The following MYO1E variants were observed in gnomAD, a reference collection of about 807,000 sequenced individuals.
MYO1E encodes the protein unconventional myosin-Ie.
Under a neutral mutation model 151.1 loss-of-function variants are expected in MYO1E, and 68 were observed. The observed-to-expected ratio is 0.45, with a 90% CI of 0.37 to 0.55. MYO1E has a LOEUF of 0.55. Among genes scored for constraint, MYO1E ranks in the 20% least tolerant of loss-of-function variants. MYO1E has a pLI of 0.00. For missense variants in MYO1E, 1,363 were observed against 1,389.3 expected (o/e 0.98, Z 0.30); for synonymous variants, 601 against 501.7 (o/e 1.20, Z -2.64).
rs745621793 is a variant in MYO1E, at chr15:59,170,755, C to G, written c.2480+1142G>C. On this transcript the variant is annotated intron_variant, in intron 22 of 27. Coordinates refer to ENST00000288235, the MANE Select transcript of MYO1E (RefSeq NM_004998.4). ...GTCCTTTATCCAGGGAAATTAGGAACAGATAGAATCAGAAACCACAGAGAC... is the reference window on the plus strand; with the variant it reads ...GTCCTTTATCCAGGGAAATTAGGAAGAGATAGAATCAGAAACCACAGAGAC... Among the ~76,000 whole-genome samples the G allele has an allele frequency of 2.7e-4, 41 of 152,212 alleles. 1 individual carries two copies. Among genetic ancestry groups the G allele is most frequent in the Non-Finnish European group, 4.9e-4 (33 of 68,010 alleles).
Position 59,372,726 on chromosome 15 carries a change from G to C in MYO1E, c.-226C>G, listed in dbSNP as rs1323175938. On this transcript the variant is annotated 5_prime_UTR_variant, in exon 1 of 28. Transcript: ENST00000288235. The stretch of plus-strand genomic sequence containing the variant: ...ACGGCGGCGACTTAGCAGGCGGGGC[G>C]CATGCTGCGGAGGGCAAGAGTCCAC... 1.7e-6 allele frequency: 1 copy of C among 582,146 alleles called. No individual in the cohort carries two copies. Among genetic ancestry groups the C allele is most frequent in the African/African-American group, 1.9e-5 (1 of 51,314 alleles). The allele number at this position is 582,146 out of a possible 1,614,324, so 36.1% of individuals were successfully genotyped here.
chr15:59,163,260 C>T lies in MYO1E; in HGVS notation c.2524G>A (p.Asp842Asn). Residue 842 changes from aspartate to asparagine, a missense_variant, in exon 23 of 28, where the codon GAC (aspartate) becomes AAC (asparagine). Coordinates refer to ENST00000288235, the MANE Select transcript of MYO1E (RefSeq NM_004998.4). ...TTGAAGACAGATTCAAGCAAACTGT[C>T]ATACTCTTGCTCATGGAGAATAAAA... The part of the protein sequence containing the change: ...DIFILHEQEY[D>N]SLLESVFKTE... 1 of 1,613,784 alleles carries T rather than the reference C, an allele frequency of 6.2e-7. No individual in the cohort carries two copies. Among genetic ancestry groups the T allele is most frequent in the Non-Finnish European group, 8.5e-7 (1 of 1,179,684 alleles).
Position 59,272,270 on chromosome 15 carries a change from C to T in MYO1E, c.147+36G>A, listed in dbSNP as rs769610412. 21 of 1,609,830 alleles carry T rather than the reference C, an allele frequency of 1.3e-5. No individual in the cohort carries two copies. In the Admixed American group the frequency reaches 3.5e-4, roughly 27 times the overall value. On this transcript the variant is annotated intron_variant, in intron 2 of 27. Transcript: ENST00000288235. Reference sequence around the variant, plus strand: ...AATTTAACTGTGGACACTGTAATATCACTTAGAAATGTCCAAAGCAGCCAA... The same window carrying T: ...AATTTAACTGTGGACACTGTAATATTACTTAGAAATGTCCAAAGCAGCCAA...
intron 1 of MYO1E, among the ~76,000 whole-genome samples, chr15:59,274,033 A>G (rs1413460747): frequency 2.0e-5 from 3 of 150,732 alleles, no homozygotes; most frequent in African/African-American, 4.8e-5. Context: ...TCCAAATTTT[A>G]TTTTAAAAAT....
chr15:59,234,237 G>A (rs1566987661), intron 5 of MYO1E, among the ~76,000 whole-genome samples: 1 of 141,594 alleles, frequency 7.1e-6, no homozygotes, highest in African/African-American at 2.9e-5. Flanking sequence ...TGGATGGATG[G>A]ATGGATGGGT....
rs143917358 is a variant in MYO1E at position 59,338,950 on chromosome 15, G to A, written c.3+33548C>T. On this transcript the variant is annotated intron_variant, in intron 1 of 27. Transcript: ENST00000288235. ...AGTTCAAAACCAGCCTGGCCAACAT[G>A]GCGAGACCTCATCTCTATTAAAAAT... Among the ~76,000 whole-genome samples the A allele has an allele frequency of 2.1e-3, 317 of 152,282 alleles. 1 individual carries two copies. Among genetic ancestry groups the A allele is most frequent in the African/African-American group, 7.4e-3 (307 of 41,570 alleles).
intron 25 of MYO1E, among the ~76,000 whole-genome samples, chr15:59,155,416 C>T (rs2079504268): frequency 1.3e-5 from 2 of 152,010 alleles, no homozygotes; most frequent in African/African-American, 4.8e-5. Flanking sequence ...TTTTTAAAAC[C>T]CCCTGAAAAC....
At chr15:59,191,269 C>T (rs1255141647) in intron 17 of MYO1E, among the ~76,000 whole-genome samples, 2 of 150,842 alleles carry the variant, frequency 1.3e-5, no homozygotes, top group Non-Finnish European at 2.9e-5. Context: ...GCCTGGCCAA[C>T]ACAGTGAAAC....
At chr15:59,191,725 AT>A (rs1401656643) in intron 17 of MYO1E, among the ~76,000 whole-genome samples, 1 of 152,178 alleles carries the variant, frequency 6.6e-6, no homozygotes, top group African/African-American at 2.4e-5. Context: ...AATGTTTAAA[AT>A]TTGGGGGTCA....
rs112020669 is a variant in MYO1E at position 59,214,172 on chromosome 15, C to T, written c.1275+56G>A. 17 of 1,416,784 alleles carry T rather than the reference C, an allele frequency of 1.2e-5. No homozygotes were observed. In the African/African-American group the frequency reaches 2.0e-4, roughly 17 times the overall value. The allele number at this position is 1,416,784 out of a possible 1,614,324, so 87.8% of individuals were successfully genotyped here. A position where few individuals can be genotyped will look rare whatever the true frequency, so the allele number is the denominator to read the frequency against. On this transcript the variant is annotated intron_variant, in intron 12 of 27. Coordinates refer to ENST00000288235, the MANE Select transcript of MYO1E (RefSeq NM_004998.4). ...TTAACAAAAGACAGAAATCTATACC[C>T]TCTTAAACAAAATAAATTATAAATA...
intron 24 of MYO1E, among the ~76,000 whole-genome samples, chr15:59,158,752 C>T (rs1361824980): frequency 6.6e-6 from 1 of 152,310 alleles, no homozygotes; most frequent in East Asian, 1.9e-4. Context: ...ACTAATGCTG[C>T]GGATCAACGG....
At chr15:59,285,443 T>A (rs1415718791) in intron 1 of MYO1E, among the ~76,000 whole-genome samples, 1 of 144,404 alleles carries the variant, frequency 6.9e-6, no homozygotes, top group Admixed American at 7.4e-5. Flanking sequence ...CTATAACCTC[T>A]GCCCCCCGGC....
At chr15:59,358,826 T>A (rs1168865401) in intron 1 of MYO1E, among the ~76,000 whole-genome samples, 1 of 152,180 alleles carries the variant, frequency 6.6e-6, no homozygotes, top group African/African-American at 2.4e-5. Flanking sequence ...TTCAAACATT[T>A]CCAGTAAAAG....
chr15:59,372,787 C>T lies in MYO1E; in HGVS notation c.-287G>A, dbSNP rs558975654. The T allele has an allele frequency of 9.1e-5, 47 of 516,082 alleles. No homozygotes were observed. In the South Asian group the frequency reaches 1.1e-3, roughly 12 times the overall value. 32.0% of individuals were successfully genotyped at this position (516,082 alleles called of 1,614,324 possible). On this transcript the variant is annotated 5_prime_UTR_variant, in exon 1 of 28. Transcript: ENST00000288235. ...CGGTCGCCGCCGGCCCAGGTGAGTC[C>T]GATGCGCTCGGAGCGTCCGCCTCGC...
chr15:59,277,561 A>AAAAAAACAACAACAAC (rs2080327797), intron 1 of MYO1E, among the ~76,000 whole-genome samples: 1 of 145,892 alleles, frequency 6.9e-6, no homozygotes. Flanking sequence ...AAAAAAAAAA[A>AAAAAAACAACAACAAC]AAAAAAAAAA....
At chr15:59,174,730 G>T (rs2079614818) in intron 19 of MYO1E, among the ~76,000 whole-genome samples, 1 of 152,098 alleles carries the variant, frequency 6.6e-6, no homozygotes, top group South Asian at 2.1e-4. Context: ...CCTACTTTCA[G>T]TTCCAAGAAA....
intron 1 of MYO1E, among the ~76,000 whole-genome samples, chr15:59,353,991 T>A (rs1252808270): frequency 6.6e-6 from 1 of 152,194 alleles, no homozygotes; most frequent in Non-Finnish European, 1.5e-5. Flanking sequence ...ATTTTATTTT[T>A]AAAATTACTC....
intron 1 of MYO1E, among the ~76,000 whole-genome samples, chr15:59,338,428 CA>C (rs1280774982): frequency 6.6e-6 from 1 of 151,862 alleles, no homozygotes; most frequent in Non-Finnish European, 1.5e-5. Flanking sequence ...ATTATAAATC[CA>C]TGAAGGGATA....
At chr15:59,224,651 G>A (rs767267997) in intron 8 of MYO1E, 38 bp downstream of exon 8, 2 of 1,613,806 alleles carry the variant, frequency 1.2e-6, no homozygotes, top group Non-Finnish European at 8.5e-7. Context: ...TGGCCAGTTG[G>A]GAGAGCAGAT....
Sources: allele counts gnomAD v4.1 joint callset (sites outside exome capture counted in the v4.1 genomes callset), GRCh38; gene constraint gnomAD v4.1.1; transcripts MANE v1.5; gene names NCBI Gene and HGNC (gene_info 2026-07-23, HGNC 2026-07-21).